Variants in COPZ2 observed in about 807,000 individuals in gnomAD.
The protein encoded by COPZ2 is coatomer subunit zeta-2.
Under a neutral mutation model 33.2 loss-of-function variants are expected in COPZ2, and 30 were observed. The observed-to-expected ratio is 0.90, with a 90% CI of 0.68 to 1.23. COPZ2 has a LOEUF of 1.23. Ranked by LOEUF, COPZ2 falls within the 50% of genes most tolerant of loss-of-function variation. The pLI is 0.00. For missense variants in COPZ2, 263 were observed against 262.4 expected (o/e 1.00, Z -0.02); for synonymous variants, 89 against 102.6 (o/e 0.87, Z 0.80).
At chr17:48,032,923 C>G (rs2036915582) in intron 4 of COPZ2, 182 bp from the exon 5 acceptor site, 1 of 613,946 alleles carries the variant, frequency 1.6e-6, no homozygotes, top group Non-Finnish European at 2.9e-6. Flanking sequence ...CTGGAGTTCT[C>G]CACTGGGAGA....
Position 48,037,057 on chromosome 17 carries a change from T to C in COPZ2, c.112-132A>G. On this transcript the variant is annotated intron_variant, in intron 1 of 8. Transcript: ENST00000621465. This position sits in a 1 kb window ranked among gnomAD's most constrained non-coding sequence, Gnocchi z 5.6. Reference sequence around the variant, plus strand: ...AGTCCTCAAGGTCCACAGCTGGTTCTGCCCAGCCCTGTGCCACATGGGCCA... The same window carrying C: ...AGTCCTCAAGGTCCACAGCTGGTTCCGCCCAGCCCTGTGCCACATGGGCCA... The C allele has an allele frequency of 1.2e-6, 1 of 856,230 alleles. No individual in the cohort carries two copies. Among genetic ancestry groups the C allele is most frequent in the South Asian group, 1.4e-5 (1 of 71,522 alleles). The allele number at this position is 856,230 out of a possible 1,614,324, so 53.0% of individuals were successfully genotyped here. A position where few individuals can be genotyped will look rare whatever the true frequency, so the allele number is the denominator to read the frequency against.
chr17:48,036,101 A>G (rs2036979456), intron 2 of COPZ2, among the ~76,000 whole-genome samples: 1 of 152,102 alleles, frequency 6.6e-6, no homozygotes, highest in Non-Finnish European at 1.5e-5. Flanking sequence ...CTCCCCTACA[A>G]TTAATTGTGT....
upstream of COPZ2, among the ~76,000 whole-genome samples, chr17:48,039,128 C>G (rs1278248920): frequency 5.3e-5 from 8 of 152,108 alleles, no homozygotes; most frequent in Admixed American, 1.3e-4. Context: ...GTGCATGCAA[C>G]CACTCCCAGG....
chr17:48,041,147 C>CA (rs10532613), upstream of COPZ2, among the ~76,000 whole-genome samples: 218 of 102,960 alleles, frequency 2.1e-3, 1 homozygote, highest in Non-Finnish European at 3.3e-3. Flanking sequence ...ACTCTATCTC[C>CA]AAAAAAAAAA....
At chr17:48,031,782 G>C in intron 6 of COPZ2, 2 of 275,868 alleles carry the variant, frequency 7.2e-6, no homozygotes, top group South Asian at 9.3e-5. Flanking sequence ...TGAGCCCTAA[G>C]AGCAGGACAT....
At chr17:48,040,569 A>G (rs1200719553), upstream of COPZ2, among the ~76,000 whole-genome samples, 1 of 150,340 alleles carries the variant, frequency 6.7e-6, no homozygotes, top group East Asian at 2.0e-4. Context: ...AGTAGTTGGG[A>G]CTACAGGTGC....
intron 2 of COPZ2, among the ~76,000 whole-genome samples, chr17:48,035,507 CA>C (rs1284102018): frequency 6.6e-6 from 1 of 152,088 alleles, no homozygotes; most frequent in Non-Finnish European, 1.5e-5. Context: ...GCAATCCTCC[CA>C]CTTCAGCCTC....
chr17:48,044,484 G>C, the COPZ2 span, among the ~76,000 whole-genome samples: 1 of 129,402 alleles, frequency 7.7e-6, no homozygotes, highest in East Asian at 2.6e-4. Context: ...CTGTGCATAA[G>C]AATCACCTGA....
At chr17:48,030,938 C>T (rs2036886088) in intron 6 of COPZ2, among the ~76,000 whole-genome samples, 1 of 152,152 alleles carries the variant, frequency 6.6e-6, no homozygotes, top group Admixed American at 6.5e-5. Context: ...CTTTTGGGTC[C>T]CAGAAATCTG....
intron 2 of COPZ2, 89 bp downstream of exon 2, chr17:48,036,762 A>T: frequency 1.6e-6 from 2 of 1,269,224 alleles, no homozygotes; most frequent in Admixed American, 1.9e-5. Flanking sequence ...AGCTGCCCTG[A>T]GTCACAGAGA....
In COPZ2 at chr17:48,037,393, A is replaced by C; in HGVS notation, c.111+274T>G. 1 of 305,602 alleles carries C rather than the reference A, an allele frequency of 3.3e-6. No individual in the cohort carries two copies. The highest frequency in any genetic ancestry group is 6.3e-6 in the Non-Finnish European group (1 of 157,832). 18.9% of individuals were successfully genotyped at this position (305,602 alleles called of 1,614,324 possible). A position where few individuals can be genotyped will look rare whatever the true frequency, so the allele number is the denominator to read the frequency against. ...GAGCCGAGTCTGGGACGGACAGGCCACTCCTTACCCTCCCCGCGGAATCGC... is the reference window on the plus strand; with the variant it reads ...GAGCCGAGTCTGGGACGGACAGGCCCCTCCTTACCCTCCCCGCGGAATCGC... On this transcript the variant is annotated intron_variant, in intron 1 of 8. Transcript: ENST00000621465. This position sits in a 1 kb window ranked among gnomAD's most constrained non-coding sequence, Gnocchi z 5.6.
At position 48,032,172 on chromosome 17, in the gene COPZ2, C is replaced by T. The variant is rs768353461; in HGVS notation, c.478G>A (p.Glu160Lys). 1.5e-5 allele frequency: 25 copies of T among 1,613,302 alleles called. No individual in the cohort carries two copies. Among genetic ancestry groups the T allele is most frequent in the East Asian group, 2.2e-5 (1 of 44,892 alleles). Residue 160 changes from glutamate to lysine, a missense_variant, in exon 6 of 9, where the codon GAG (glutamate) becomes AAG (lysine). Physicochemically the swap from Glu to Lys is moderately conservative, Grantham distance 56. Transcript: ENST00000621465. ...CCTCCTCACCCGCCATCCACAATCT[C>T]GTCCAGCACCAAGAAGGCTCCGTCC... Reference protein sequence around the residue: ...NMDGAFLVLDEIVDGGVILES... With the variant: ...NMDGAFLVLDKIVDGGVILES...
the COPZ2 span, among the ~76,000 whole-genome samples, chr17:48,044,684 G>A: frequency 6.6e-6 from 1 of 152,144 alleles, no homozygotes; most frequent in Non-Finnish European, 1.5e-5. Flanking sequence ...GCTTGCAGGA[G>A]AGCTTTACTT....
At chr17:48,030,348 A>T (rs1296012337) in intron 6 of COPZ2, among the ~76,000 whole-genome samples, 1 of 151,830 alleles carries the variant, frequency 6.6e-6, no homozygotes, top group Non-Finnish European at 1.5e-5. Context: ...AAACAAAAAA[A>T]TTCCCTTTTG....
chr17:48,033,025 C>T (rs1441624317), intron 4 of COPZ2, 186 bp downstream of exon 4: 6 of 601,422 alleles, frequency 1.0e-5, no homozygotes, highest in South Asian at 2.0e-5. Context: ...CCCAAGGAAA[C>T]TAAGGGGCAT....
chr17:48,031,004 T>C (rs989328758), intron 6 of COPZ2, among the ~76,000 whole-genome samples: 7 of 152,232 alleles, frequency 4.6e-5, no homozygotes, highest in African/African-American at 1.7e-4. Context: ...AGAAACAGCA[T>C]GGCCTCTGGA....
chr17:48,028,579 A>G lies in COPZ2; in HGVS notation c.547-69T>C. ...GGGTCCTGGGTCAGGGAGGTGAAGG[A>G]AAGGGGCTTGGGGGTATGGGTGAGG... On this transcript the variant is annotated intron_variant, in intron 7 of 8. Coordinates refer to ENST00000621465, the MANE Select transcript of COPZ2 (RefSeq NM_016429.4). The surrounding 1 kb of genome is among the most constrained non-coding windows in gnomAD (Gnocchi z 4.5). 2 of 1,498,558 alleles carry G rather than the reference A, an allele frequency of 1.3e-6. No individual in the cohort carries two copies. Among genetic ancestry groups the G allele is most frequent in the Non-Finnish European group, 1.8e-6 (2 of 1,095,108 alleles). The allele number at this position is 1,498,558 out of a possible 1,614,324, so 92.8% of individuals were successfully genotyped here.
chr17:48,028,671 G>T lies in COPZ2; in HGVS notation c.547-161C>A. 2 of 648,396 alleles carry T rather than the reference G, an allele frequency of 3.1e-6. No individual in the cohort carries two copies. The highest frequency in any genetic ancestry group is 3.6e-4 in the Middle Eastern group (1 of 2,784). 40.2% of individuals were successfully genotyped at this position (648,396 alleles called of 1,614,324 possible). On this transcript the variant is annotated intron_variant, in intron 7 of 8. Coordinates refer to ENST00000621465, the MANE Select transcript of COPZ2 (RefSeq NM_016429.4). This position sits in a 1 kb window ranked among gnomAD's most constrained non-coding sequence, Gnocchi z 4.5. ...CTGGTTAATAGAAGTCCTGCAGCCT[G>T]TCATTTGGAAGCCAGGACCTCTGGG...
chr17:48,041,795 T>C (rs1028016249), upstream of COPZ2, among the ~76,000 whole-genome samples: 8 of 145,664 alleles, frequency 5.5e-5, no homozygotes, highest in African/African-American at 2.1e-4. Context: ...TTAATATTTC[T>C]GTGAGCTAGT....
Sources: allele counts gnomAD v4.1 joint callset (sites outside exome capture counted in the v4.1 genomes callset), GRCh38; gene constraint gnomAD v4.1.1; non-coding constraint Gnocchi (gnomAD v3.1); transcripts MANE v1.5; gene names NCBI Gene and HGNC (gene_info 2026-07-23, HGNC 2026-07-21).